The following SFMBT2 variants were observed in gnomAD, a reference collection of about 807,000 sequenced individuals.
The protein encoded by SFMBT2 is Scm like with four mbt domains 2, also known as scm-like with four MBT domains protein 2.
In SFMBT2, 38 loss-of-function variants were observed where a neutral mutation model predicts 110.1. That is an observed-to-expected ratio of 0.35 (90% CI 0.27 to 0.45). SFMBT2 has a LOEUF of 0.45. Ranked by LOEUF, SFMBT2 falls within the 20% of genes least tolerant of loss-of-function variation. SFMBT2 has a pLI of 1.00. For synonymous variants in SFMBT2, 425 were observed against 425.4 expected (o/e 1.00, Z 0.01); for missense variants, 1,011 against 1,094.9 (o/e 0.92, Z 1.08).
rs563966647 is a variant in SFMBT2 at position 7,257,180 on chromosome 10, G to T, written c.871-8531C>A. On this transcript the variant is annotated intron_variant, in intron 7 of 20. Transcript: ENST00000397167. ...GAAACAGGAAGTAGAGTATCACGCTGGAAAAAGGAGTATGGACAAACTGCA... is the reference window on the plus strand; with the variant it reads ...GAAACAGGAAGTAGAGTATCACGCTTGAAAAAGGAGTATGGACAAACTGCA... Among the ~76,000 whole-genome samples, 10 of 152,178 alleles carry T rather than the reference G, an allele frequency of 6.6e-5. No individual in the cohort carries two copies. The East Asian group carries it at 9.6e-4, about 15-fold the overall frequency.
chr10:7,285,875 G>A lies in SFMBT2; in HGVS notation c.516C>T (p.Leu172=). 1.1e-6 allele frequency: 1 copy of A among 872,688 alleles called. No homozygotes were observed. Among genetic ancestry groups the A allele is most frequent in the Non-Finnish European group, 2.0e-6 (1 of 501,594 alleles). The allele number at this position is 872,688 out of a possible 1,614,324, so 54.1% of individuals were successfully genotyped here. A position where few individuals can be genotyped will look rare whatever the true frequency, so the allele number is the denominator to read the frequency against. Residue 172 remains leucine, a synonymous_variant, in exon 5 of 21, where the codon CTC becomes CTT. Coordinates refer to ENST00000397167, the MANE Select transcript of SFMBT2 (RefSeq NM_001387889.1). ...TAACAACAATACATACACCTTCCAGGAGGTTGGCGGGTGCTGTCCTCGAAC... is the reference window on the plus strand; with the variant it reads ...TAACAACAATACATACACCTTCCAGAAGGTTGGCGGGTGCTGTCCTCGAAC... ...LTGSRTAPAN[L]LEGPLRGKGP...
At chr10:7,178,134 G>C (rs908187900) in intron 16 of SFMBT2, among the ~76,000 whole-genome samples, 1 of 152,156 alleles carries the variant, frequency 6.6e-6, no homozygotes, top group Non-Finnish European at 1.5e-5. Context: ...GGTGGTGGGG[G>C]GTGACAAGAA....
At chr10:7,310,891 C>CA (rs1486010031) in intron 4 of SFMBT2, among the ~76,000 whole-genome samples, 1 of 151,914 alleles carries the variant, frequency 6.6e-6, no homozygotes, top group African/African-American at 2.4e-5. Context: ...ACTAAAAATA[C>CA]AAAAAATTAA....
intron 6 of SFMBT2, among the ~76,000 whole-genome samples, chr10:7,279,635 T>C (rs1447544442): frequency 1.3e-5 from 2 of 152,214 alleles, no homozygotes; most frequent in Non-Finnish European, 2.9e-5. Flanking sequence ...AAGTAAATCA[T>C]GCCAGTTTCT....
chr10:7,241,271 A>C lies in SFMBT2; in HGVS notation c.1120+2287T>G, dbSNP rs373411982. On this transcript the variant is annotated intron_variant, in intron 9 of 20. Transcript: ENST00000397167. ...ATTACCCAGTCTCAGGTATGTCTTT[A>C]TGAGCAGCATGAGAACAGACTAGTA... is the stretch of plus-strand genomic sequence containing the variant. 2.7e-5 allele frequency: 25 copies of C among 919,158 alleles called. No individual in the cohort carries two copies. In the East Asian group the frequency reaches 1.2e-3, roughly 43 times the overall value. The allele number at this position is 919,158 out of a possible 1,614,324, so 56.9% of individuals were successfully genotyped here.
chr10:7,284,329 T>TTGTGTTTG, intron 5 of SFMBT2, 179 bp from the exon 6 acceptor site: 1 of 1,054,240 alleles, frequency 9.5e-7, no homozygotes, highest in Non-Finnish European at 1.3e-6. Flanking sequence ...CTTTCCTCCC[T>TTGTGTTTG]CCCACACATC....
At position 7,170,796 on chromosome 10, in the gene SFMBT2, T is replaced by C; in HGVS notation, c.2544+132A>G. ...AGCAGGGGCCTTGGAGGGAGAAGGG[T>C]CTCGCACACCTGCCGAGCAGCGCCG... On this transcript the variant is annotated intron_variant, in intron 20 of 20. Transcript: ENST00000397167. This position sits in a 1 kb window ranked among gnomAD's most constrained non-coding sequence, Gnocchi z 4.6. The C allele has an allele frequency of 9.6e-7, 1 of 1,042,074 alleles. No homozygotes were observed. The allele number at this position is 1,042,074 out of a possible 1,614,324, so 64.6% of individuals were successfully genotyped here.
intron 4 of SFMBT2, among the ~76,000 whole-genome samples, chr10:7,294,687 G>A (rs540069786): frequency 1.3e-5 from 2 of 152,156 alleles, no homozygotes; most frequent in South Asian, 2.1e-4. Flanking sequence ...TAATTCCTAG[G>A]TGCAGAACAG....
intron 7 of SFMBT2, among the ~76,000 whole-genome samples, chr10:7,274,303 C>T (rs1026836513): frequency 6.6e-6 from 1 of 152,100 alleles, no homozygotes; most frequent in Non-Finnish European, 1.5e-5. Flanking sequence ...CTGGGCAACA[C>T]AGTGAGACCC....
At chr10:7,285,478 C>T (rs971548135) in intron 5 of SFMBT2, 1 of 156,782 alleles carries the variant, frequency 6.4e-6, no homozygotes, top group African/African-American at 2.4e-5. Context: ...TCAATGTACT[C>T]CAAGAGACTA....
In SFMBT2 at chr10:7,196,683, T is replaced by C. The variant is rs938273657; in HGVS notation, c.1698+865A>G. ...ACATTTGTTCAATGGATCAATGGAT[T>C]GCTGTGCCTGCAGAATTTTAAGAAA... On this transcript the variant is annotated intron_variant, in intron 15 of 20. Coordinates refer to ENST00000397167, the MANE Select transcript of SFMBT2 (RefSeq NM_001387889.1). Among the ~76,000 whole-genome samples the C allele has an allele frequency of 3.9e-5, 6 of 152,344 alleles. No homozygotes were observed. The East Asian group carries it at 1.2e-3, about 29-fold the overall frequency.
At chr10:7,309,534 G>A (rs1842790694) in intron 4 of SFMBT2, among the ~76,000 whole-genome samples, 1 of 152,186 alleles carries the variant, frequency 6.6e-6, no homozygotes, top group South Asian at 2.1e-4. Context: ...CTGGCACATG[G>A]AACGGGGGTG....
rs183490885 is a variant in SFMBT2 at position 7,344,695 on chromosome 10, G to A, written c.436+22954C>T. Among the ~76,000 whole-genome samples the A allele has an allele frequency of 7.0e-3, 1,060 of 152,148 alleles. 8 individuals are homozygous for A. Among genetic ancestry groups the A allele is most frequent in the Middle Eastern group, 0.044 (13 of 294 alleles). On this transcript the variant is annotated intron_variant, in intron 4 of 20. Coordinates refer to ENST00000397167, the MANE Select transcript of SFMBT2 (RefSeq NM_001387889.1). ...TTTTTAAGAGCTATGGGCCAGGCGC[G>A]GTGGCTCATGCCTGTAATCCCAGCA... is the stretch of plus-strand genomic sequence containing the variant.
At chr10:7,335,543 A>T (rs1273801544) in intron 4 of SFMBT2, among the ~76,000 whole-genome samples, 1 of 151,746 alleles carries the variant, frequency 6.6e-6, no homozygotes, top group Admixed American at 6.6e-5. Context: ...CTTTCTCAAA[A>T]AAGTAACACC....
intron 11 of SFMBT2, chr10:7,215,564 A>G (rs1250694314): frequency 3.0e-6 from 3 of 985,324 alleles, no homozygotes; most frequent in Non-Finnish European, 3.6e-6. Context: ...GCTCTGCTCA[A>G]CCAAGCACTG....
intron 16 of SFMBT2, among the ~76,000 whole-genome samples, chr10:7,177,279 T>G (rs1838094164): frequency 6.6e-6 from 1 of 152,180 alleles, no homozygotes; most frequent in South Asian, 2.1e-4. Flanking sequence ...CTTATTAGAC[T>G]GAGGTCTTTG....
intron 4 of SFMBT2, among the ~76,000 whole-genome samples, chr10:7,309,759 G>A (rs61837676): frequency 0.073 from 11,075 of 152,224 alleles, 535 homozygotes; most frequent in Non-Finnish European, 0.11. Flanking sequence ...AATGTCCTAC[G>A]CATAGCCTCT....
intron 12 of SFMBT2, 125 bp from the exon 13 acceptor site, chr10:7,202,647 A>G (rs1838995370): frequency 6.5e-7 from 1 of 1,549,646 alleles, no homozygotes; most frequent in Non-Finnish European, 8.7e-7. Flanking sequence ...CTGAAAAGTT[A>G]CGTCATTCAT....
At chr10:7,333,819 C>T (rs1843635902) in intron 4 of SFMBT2, among the ~76,000 whole-genome samples, 1 of 151,732 alleles carries the variant, frequency 6.6e-6, no homozygotes, top group Non-Finnish European at 1.5e-5. Flanking sequence ...GCTTTCTTTC[C>T]TTCCTCCCCT....
Sources: allele counts gnomAD v4.1 joint callset (sites outside exome capture counted in the v4.1 genomes callset), GRCh38; gene constraint gnomAD v4.1.1; non-coding constraint Gnocchi (gnomAD v3.1); transcripts MANE v1.5; gene names NCBI Gene and HGNC (gene_info 2026-07-23, HGNC 2026-07-21).